The following CHM variants were observed in gnomAD, a reference collection of about 807,000 sequenced individuals.
CHM encodes the protein rab proteins geranylgeranyltransferase component A 1.
In CHM, 10 loss-of-function variants were observed where a neutral mutation model predicts 49.0. That is an observed-to-expected ratio of 0.20 (90% CI 0.13 to 0.35). The LOEUF (loss-of-function observed/expected upper bound fraction) is 0.35, where lower values mean the gene tolerates loss of function less well. Among genes scored for constraint, CHM ranks in the 10% least tolerant of loss-of-function variants. The pLI, the probability that CHM is intolerant of heterozygous loss-of-function variation, is 1.00. For synonymous variants in CHM, 184 were observed against 167.5 expected, an observed-to-expected ratio of 1.10 and a Z score of -0.76; for missense variants, 455 against 478.4, an observed-to-expected ratio of 0.95 and a Z score of 0.46.
intron 8 of CHM, among the ~76,000 whole-genome samples, chrX:85,954,567 G>C (rs1929913199): frequency 9.0e-6 from 1 of 111,516 alleles, no homozygotes; most frequent in African/African-American, 3.3e-5. Context: ...ATGTAGTACA[G>C]TTACACCTTG....
chrX:86,021,161 CGT>C (rs1933582308), intron 2 of CHM, among the ~76,000 whole-genome samples: 1 of 30,609 alleles, frequency 3.3e-5, no homozygotes, highest in African/African-American at 1.9e-4. Context: ...TATATATACA[CGT>C]ATATATATGT....
intron 2 of CHM, among the ~76,000 whole-genome samples, chrX:86,021,348 C>A (rs1360188834): frequency 2.8e-5 from 3 of 106,937 alleles, no homozygotes; most frequent in African/African-American, 1.0e-4. Flanking sequence ...TTGATTTAAT[C>A]CCATCAACAA....
At chrX:85,903,572 C>T (rs781503309) in intron 9 of CHM, 3 of 384,048 alleles carry the variant, frequency 7.8e-6, no homozygotes, top group Non-Finnish European at 1.6e-5. Flanking sequence ...GATACTAATA[C>T]ATGTGCCTAT....
At chrX:85,941,040 T>C (rs1929073273) in intron 8 of CHM, among the ~76,000 whole-genome samples, 1 of 111,855 alleles carries the variant, frequency 8.9e-6, no homozygotes, top group African/African-American at 3.3e-5. Flanking sequence ...TCATATTCTT[T>C]TTCATATACT....
rs188269273 is a variant in CHM, at chrX:85,944,916, G to A, written c.1166+11237C>T. On this transcript the variant is annotated intron_variant, in intron 8 of 14. Transcript: ENST00000357749. ...CAATGGAAGACCTGACAAGGAAAAC[G>A]TGGTACATCTACACCATGGAATACT... 2.7e-5 allele frequency among the ~76,000 whole-genome samples: 3 copies of A among 111,383 alleles called. No homozygotes were observed. The East Asian group carries it at 8.5e-4, about 31-fold the overall frequency.
intron 2 of CHM, among the ~76,000 whole-genome samples, chrX:85,992,715 T>C (rs1932260582): frequency 8.9e-6 from 1 of 112,087 alleles, no homozygotes; most frequent in Non-Finnish European, 1.9e-5. Flanking sequence ...TCTTATTTGC[T>C]TTTATTAATT....
intron 5 of CHM, among the ~76,000 whole-genome samples, chrX:85,960,366 A>T (rs1177049509): frequency 9.0e-6 from 1 of 111,473 alleles, no homozygotes; most frequent in Non-Finnish European, 1.9e-5. Flanking sequence ...AAATTATACT[A>T]GATTTTTGTT....
intron 3 of CHM, among the ~76,000 whole-genome samples, chrX:85,979,691 A>C (rs961267800): frequency 1.8e-5 from 2 of 112,148 alleles, no homozygotes; most frequent in African/African-American, 6.5e-5. Context: ...AAACTTTTTG[A>C]AACTGTATTA....
At chrX:85,995,567 A>G (rs1258208090) in intron 2 of CHM, among the ~76,000 whole-genome samples, 1 of 112,290 alleles carries the variant, frequency 8.9e-6, no homozygotes, top group Non-Finnish European at 1.9e-5. Flanking sequence ...ATGGACCTAG[A>G]TTTAAAACCT....
chrX:86,008,290 G>A (rs1285999969), intron 2 of CHM, among the ~76,000 whole-genome samples: 6 of 111,012 alleles, frequency 5.4e-5, no homozygotes, highest in Non-Finnish European at 1.1e-4. Context: ...ATAGCATTAG[G>A]AGAAATACCT....
intron 11 of CHM, among the ~76,000 whole-genome samples, chrX:85,899,292 G>T (rs771395283): frequency 3.6e-3 from 401 of 111,349 alleles, no homozygotes; most frequent in African/African-American, 0.011. Flanking sequence ...ATGAACAATG[G>T]TGGTAAGTAA....
intron 8 of CHM, among the ~76,000 whole-genome samples, chrX:85,947,881 A>T (rs1603259531): frequency 8.9e-6 from 1 of 112,051 alleles, no homozygotes; most frequent in East Asian, 2.8e-4. Flanking sequence ...TTATTTACAT[A>T]CATAAATTTA....
chrX:85,878,739 T>C (rs1924573343), intron 13 of CHM, among the ~76,000 whole-genome samples: 1 of 111,367 alleles, frequency 9.0e-6, no homozygotes, highest in Admixed American at 9.6e-5. Context: ...CTTAATTATG[T>C]TTTTTTGGTG....
At chrX:85,878,800 A>G (rs750177245) in intron 13 of CHM, among the ~76,000 whole-genome samples, 165 bp downstream of exon 13, 1 of 111,424 alleles carries the variant, frequency 9.0e-6, no homozygotes, top group Non-Finnish European at 1.9e-5. Context: ...ACATTTTCCC[A>G]CATGTTTAGG....
chrX:85,910,420 A>C (rs1475211986), intron 9 of CHM, among the ~76,000 whole-genome samples: 1 of 111,847 alleles, frequency 8.9e-6, no homozygotes, highest in Non-Finnish European at 1.9e-5. Flanking sequence ...AACATGTAAA[A>C]AAAAGAAAAA....
intron 8 of CHM, among the ~76,000 whole-genome samples, chrX:85,935,473 G>A (rs1928729087): frequency 2.7e-5 from 3 of 111,773 alleles, no homozygotes; most frequent in Admixed American, 1.9e-4. Context: ...ATCATAGAGT[G>A]TACTTAACAA....
intron 8 of CHM, among the ~76,000 whole-genome samples, chrX:85,929,583 T>C (rs918223197): frequency 7.1e-5 from 8 of 112,282 alleles, no homozygotes; most frequent in Non-Finnish European, 1.1e-4. Flanking sequence ...AGAGCTGGGA[T>C]CAATACATTC....
Position 86,027,494 on chromosome X carries a change from T to G in CHM, c.113A>C (p.Asp38Ala). 1 of 1,205,696 alleles carries G rather than the reference T, an allele frequency of 8.3e-7. No individual in the cohort carries two copies. The highest frequency in any genetic ancestry group is 1.1e-6 in the Non-Finnish European group (1 of 890,136). Residue 38 changes from aspartate (D) to alanine (A), a missense_variant, in exon 2 of 15, where the codon GAT (aspartate) becomes GCT (alanine). By Grantham distance (126) the Asp-to-Ala change is moderately radical. Transcript: ENST00000357749. ...ATGCTATCGTTGATAAACTTACGAA[T>G]CAACATGCAGAACTCTCCGGCCACT... ...SRSGRRVLHV[D>A]SRSYYGGNWA...
At chrX:86,039,510 C>CAA (rs769393073) in intron 1 of CHM, among the ~76,000 whole-genome samples, 91 of 40,172 alleles carry the variant, frequency 2.3e-3, no homozygotes, top group African/African-American at 7.9e-3. Context: ...TGGCCTAGAC[C>CAA]AAAAAAAAAA....
Sources: allele counts gnomAD v4.1 joint callset (sites outside exome capture counted in the v4.1 genomes callset), GRCh38; gene constraint gnomAD v4.1.1; transcripts MANE v1.5; gene names NCBI Gene and HGNC (gene_info 2026-07-23, HGNC 2026-07-21).